Variants in PDE5A observed in about 807,000 individuals in gnomAD.
The protein encoded by PDE5A is cGMP-specific 3',5'-cyclic phosphodiesterase.
A neutral mutation model predicts 110.2 loss-of-function variants in PDE5A; 67 were observed. That is an observed-to-expected ratio of 0.61 (90% confidence interval 0.50 to 0.75). The LOEUF (loss-of-function observed/expected upper bound fraction) is 0.75, where lower values mean the gene tolerates loss of function less well. Ranked by LOEUF, PDE5A falls within the 30% of genes least tolerant of loss-of-function variation. The pLI is 0.00. For synonymous variants in PDE5A, 328 were observed against 351.2 expected (o/e 0.93, Z 0.74); for missense variants, 862 against 1,045.1 (o/e 0.82, Z 2.42).
intron 3 of PDE5A, among the ~76,000 whole-genome samples, chr4:119,582,393 G>C (rs1385557903): frequency 6.6e-6 from 1 of 152,100 alleles, no homozygotes; most frequent in East Asian, 1.9e-4. Flanking sequence ...AATTCTCTTG[G>C]TATTTCCACA....
rs1461451466 is a variant in PDE5A at position 119,558,423 on chromosome 4, A to G, written c.1199+1873T>C. Reference sequence around the variant, plus strand: ...ATGATTTGCTTACTGCTAACATCAAATTGCCTAGTACTTCATCAAATTGAG... The same window carrying G: ...ATGATTTGCTTACTGCTAACATCAAGTTGCCTAGTACTTCATCAAATTGAG... On this transcript the variant is annotated intron_variant, in intron 7 of 20. Transcript: ENST00000354960. 2.6e-5 allele frequency among the ~76,000 whole-genome samples: 4 copies of G among 152,178 alleles called. No homozygotes were observed. In the South Asian group the frequency reaches 6.2e-4, roughly 24 times the overall value.
At chr4:119,513,393 A>G (rs879728865) in intron 14 of PDE5A, among the ~76,000 whole-genome samples, 2 of 152,144 alleles carry the variant, frequency 1.3e-5, no homozygotes, top group Non-Finnish European at 2.9e-5. Context: ...GGGAAGACTA[A>G]GCACCAGTAT....
At chr4:119,571,518 T>A (rs770509906) in intron 3 of PDE5A, among the ~76,000 whole-genome samples, 4 of 152,096 alleles carry the variant, frequency 2.6e-5, no homozygotes, top group Non-Finnish European at 4.4e-5. Flanking sequence ...CTATGGAGGC[T>A]AGAAGGGCCA....
intron 3 of PDE5A, among the ~76,000 whole-genome samples, chr4:119,591,650 C>T (rs1345676317): frequency 6.6e-6 from 1 of 152,098 alleles, no homozygotes; most frequent in Non-Finnish European, 1.5e-5. Flanking sequence ...TTGTTAGTGG[C>T]CTGGGTTTAT....
At chr4:119,563,338 A>G (rs959587031) in intron 5 of PDE5A, among the ~76,000 whole-genome samples, 7 of 152,218 alleles carry the variant, frequency 4.6e-5, no homozygotes, top group Admixed American at 4.6e-4. Flanking sequence ...TCTGGTACAT[A>G]AAACGCACTG....
In PDE5A at chr4:119,498,596, G is replaced by C. The variant is rs376109286; in HGVS notation, c.*5C>G. 9.3e-6 allele frequency: 15 copies of C among 1,613,700 alleles called. No individual in the cohort carries two copies. In the Admixed American group the frequency reaches 1.0e-4, roughly 11 times the overall value. ...TAAACTTCAACTCTGCATGAAATAG[G>C]CCACTCAGTTCCGCTTGGCCTGGCC... is the stretch of plus-strand genomic sequence containing the variant. On this transcript the variant is annotated 3_prime_UTR_variant, in exon 21 of 21. Transcript: ENST00000354960.
At chr4:119,613,838 A>G (rs1729841289) in intron 1 of PDE5A, among the ~76,000 whole-genome samples, 1 of 152,094 alleles carries the variant, frequency 6.6e-6, no homozygotes, top group African/African-American at 2.4e-5. Flanking sequence ...AGCTAATTAA[A>G]TGTCTGAACC....
intron 6 of PDE5A, among the ~76,000 whole-genome samples, chr4:119,562,482 T>C (rs955936593): frequency 2.9e-5 from 4 of 139,312 alleles, no homozygotes; most frequent in Non-Finnish European, 6.5e-5. Flanking sequence ...AGGTCACCAG[T>C]ATTCCTGACC....
rs1021011565 is a variant in PDE5A at position 119,495,849 on chromosome 4, A to C, written c.*2752T>G. ...TCAGTCATGGAAACTCAACATTAGA[A>C]ATGACATGTGGGAATAGATCACCTT... On this transcript the variant is annotated 3_prime_UTR_variant, in exon 21 of 21. Transcript: ENST00000354960. The C allele has an allele frequency of 9.2e-5, 14 of 152,144 alleles. No individual in the cohort carries two copies. The highest frequency in any genetic ancestry group is 3.1e-4 in the African/African-American group (13 of 41,450). 9.4% of individuals were successfully genotyped at this position (152,144 alleles called of 1,614,324 possible).
intron 9 of PDE5A, chr4:119,549,771 AAGT>A (rs769700582): frequency 2.6e-5 from 4 of 152,202 alleles, no homozygotes; most frequent in Non-Finnish European, 5.9e-5. Flanking sequence ...ACTGGAAGCA[AAGT>A]AGTGGAAACA....
intron 9 of PDE5A, among the ~76,000 whole-genome samples, chr4:119,548,044 ATT>A (rs11438089): frequency 1.1e-4 from 10 of 94,784 alleles, no homozygotes; most frequent in African/African-American, 4.2e-4. Context: ...TTCTCCGTGT[ATT>A]TTTTTTTTTT....
chr4:119,588,570 C>A (rs1728856162), intron 3 of PDE5A, among the ~76,000 whole-genome samples: 1 of 146,438 alleles, frequency 6.8e-6, no homozygotes, highest in South Asian at 2.2e-4. Context: ...AGTGATTCAG[C>A]AGTTACTTGT....
chr4:119,581,287 G>A (rs1207044294), intron 3 of PDE5A, among the ~76,000 whole-genome samples: 2 of 152,196 alleles, frequency 1.3e-5, no homozygotes, highest in Non-Finnish European at 2.9e-5. Context: ...TATCAAAGGG[G>A]TTGAGAGAAT....
chr4:119,564,800 G>T (rs949275127), intron 5 of PDE5A, among the ~76,000 whole-genome samples: 1 of 152,080 alleles, frequency 6.6e-6, no homozygotes, highest in African/African-American at 2.4e-5. Context: ...CAAAGCCCAG[G>T]AAAAGTTCAT....
At chr4:119,614,466 C>T (rs935524086) in intron 1 of PDE5A, among the ~76,000 whole-genome samples, 10 of 151,976 alleles carry the variant, frequency 6.6e-5, no homozygotes, top group Non-Finnish European at 1.0e-4. Context: ...AAATTGTTGG[C>T]GGATAGGCAA....
At chr4:119,548,199 C>T (rs1727205934) in intron 9 of PDE5A, 2 of 151,994 alleles carry the variant, frequency 1.3e-5, no homozygotes, top group Non-Finnish European at 2.9e-5. Context: ...CAGGCACCCG[C>T]CACCGCGCCC....
At chr4:119,615,486 C>T (rs1038488645) in intron 1 of PDE5A, among the ~76,000 whole-genome samples, 1 of 151,814 alleles carries the variant, frequency 6.6e-6, no homozygotes, top group East Asian at 1.9e-4. Context: ...TTTGGTGATA[C>T]AAGCCCACAG....
In PDE5A at chr4:119,495,350, CAATT is replaced by C. The variant is rs1232789981; in HGVS notation, c.*3247_*3250del. 2 of 152,052 alleles carry C rather than the reference CAATT, an allele frequency of 1.3e-5. No homozygotes were observed. The highest frequency in any genetic ancestry group is 4.8e-5 in the African/African-American group (2 of 41,402). The allele number at this position is 152,052 out of a possible 1,614,324, so 9.4% of individuals were successfully genotyped here. A position where few individuals can be genotyped will look rare whatever the true frequency, so the allele number is the denominator to read the frequency against. Reference sequence around the variant, plus strand: ...GGGTCAGTGTATTTCTGATACAAAACAATTAAATTGTGCCACCTTATTTTGACTA... The same window carrying C: ...GGGTCAGTGTATTTCTGATACAAAACAAATTGTGCCACCTTATTTTGACTA... On this transcript the variant is annotated 3_prime_UTR_variant, in exon 21 of 21. Coordinates refer to ENST00000354960, the MANE Select transcript of PDE5A (RefSeq NM_001083.4).
intron 1 of PDE5A, among the ~76,000 whole-genome samples, chr4:119,623,246 C>T (rs961438434): frequency 1.3e-5 from 2 of 152,206 alleles, no homozygotes; most frequent in African/African-American, 4.8e-5. Flanking sequence ...ACTGAATCTA[C>T]ATCTATGCAG....
Sources: gnomAD v4.1 joint callset for allele counts (sites outside exome capture counted in the v4.1 genomes callset) on GRCh38, gnomAD v4.1.1 for gene constraint, MANE v1.5 for transcripts, NCBI Gene and HGNC (gene_info 2026-07-23, HGNC 2026-07-21) for gene names.